Variants in TMEM51 observed in about 807,000 individuals in gnomAD.
The protein encoded by TMEM51 is chromosome 1 open reading frame 72.
Under a neutral mutation model 13.6 loss-of-function variants are expected in TMEM51, and 8 were observed. The observed-to-expected ratio is 0.59, with a 90% CI of 0.35 to 1.07. TMEM51 has a LOEUF of 1.07. TMEM51 is among the 50% of genes least tolerant of loss of function. The probability of loss-of-function intolerance (pLI) is 0.02; values close to 1 mark genes in which losing one functional copy is unlikely to be tolerated. For synonymous variants in TMEM51, 147 were observed against 144.4 expected, an observed-to-expected ratio of 1.02 and a Z score of -0.13; for missense variants, 279 against 330.7, an observed-to-expected ratio of 0.84 and a Z score of 1.21.
intron 1 of TMEM51, among the ~76,000 whole-genome samples, chr1:15,167,217 C>T (rs540216623): frequency 2.1e-3 from 318 of 150,874 alleles, no homozygotes; most frequent in African/African-American, 7.5e-3. Flanking sequence ...GTCCCAGCTA[C>T]TCGGGAAGCT....
Position 15,166,982 on chromosome 1 carries a change from A to T in TMEM51, c.-267+13028A>T, listed in dbSNP as rs115087375. 9.9e-3 allele frequency among the ~76,000 whole-genome samples: 1,506 copies of T among 152,222 alleles called. 28 individuals carry two copies. The highest frequency in any genetic ancestry group is 0.034 in the African/African-American group (1,421 of 41,518). On this transcript the variant is annotated intron_variant, in intron 1 of 3. Coordinates refer to ENST00000376008, the MANE Select transcript of TMEM51 (RefSeq NM_001136218.2). ...GCCCTTTCCAGGATATCACGTAAAT[A>T]GAATCATACAGTATGGTGCCTTTGG... is the stretch of plus-strand genomic sequence containing the variant.
chr1:15,170,377 G>A (rs1445869394), intron 1 of TMEM51, among the ~76,000 whole-genome samples: 1 of 143,060 alleles, frequency 7.0e-6, no homozygotes, highest in African/African-American at 2.6e-5. Flanking sequence ...TTTTTGAGAT[G>A]GAGTCACTGC....
chr1:15,194,829 A>C (rs1644013946), intron 1 of TMEM51, among the ~76,000 whole-genome samples: 1 of 150,848 alleles, frequency 6.6e-6, no homozygotes, highest in Admixed American at 6.6e-5. Context: ...TCAGCCAGCA[A>C]TTTTATTTTC....
intron 1 of TMEM51, among the ~76,000 whole-genome samples, chr1:15,160,333 G>T (rs1047366091): frequency 6.6e-6 from 1 of 152,122 alleles, no homozygotes; most frequent in Non-Finnish European, 1.5e-5. Flanking sequence ...GAGTGCAGTG[G>T]TGCAATCTTG....
chr1:15,199,790 A>G (rs1314305981), intron 1 of TMEM51, among the ~76,000 whole-genome samples: 1 of 152,076 alleles, frequency 6.6e-6, no homozygotes, highest in African/African-American at 2.4e-5. Context: ...CCTCAACCCT[A>G]TGAGACCAAT....
chr1:15,198,441 G>A (rs1456968985), intron 1 of TMEM51, among the ~76,000 whole-genome samples: 1 of 152,064 alleles, frequency 6.6e-6, no homozygotes, highest in Non-Finnish European at 1.5e-5. Context: ...TTTTGAAACA[G>A]AGTCTCACTG....
rs559571388 is a variant in TMEM51 at position 15,164,842 on chromosome 1, C to T, written c.-267+10888C>T. On this transcript the variant is annotated intron_variant, in intron 1 of 3. Transcript: ENST00000376008. ...TTTTTGAGACGGAGTCTCGCTCTGT[C>T]GCCAGGCCAGAGTGCAGTGGCACAA... Among the ~76,000 whole-genome samples, 26 of 136,116 alleles carry T rather than the reference C, an allele frequency of 1.9e-4. No individual in the cohort carries two copies. The East Asian group carries it at 2.8e-3, about 15-fold the overall frequency. 89.3% of individuals were successfully genotyped at this position (136,116 alleles called of 152,430 possible).
At chr1:15,174,321 C>T (rs940426346) in intron 1 of TMEM51, among the ~76,000 whole-genome samples, 5 of 152,216 alleles carry the variant, frequency 3.3e-5, no homozygotes, top group Non-Finnish European at 4.4e-5. Context: ...TGGCTCACTA[C>T]AGCCTCCACC....
At chr1:15,157,327 T>C (rs932912385) in intron 1 of TMEM51, among the ~76,000 whole-genome samples, 69 of 152,202 alleles carry the variant, frequency 4.5e-4, no homozygotes, top group Non-Finnish European at 1.5e-4. Context: ...TTTATCAGAC[T>C]TAGCAGCCCT....
intron 1 of TMEM51, among the ~76,000 whole-genome samples, chr1:15,177,577 G>A (rs4661590): frequency 1.3e-5 from 2 of 152,134 alleles, no homozygotes; most frequent in South Asian, 2.1e-4. Context: ...CAGACTGAAG[G>A]GGGGGGCCTG....
At chr1:15,199,191 G>A (rs113935928) in intron 1 of TMEM51, among the ~76,000 whole-genome samples, 8 of 151,076 alleles carry the variant, frequency 5.3e-5, no homozygotes, top group Non-Finnish European at 8.8e-5. Context: ...GGAGTGCAAC[G>A]GCGCAATCTC....
At chr1:15,152,672 G>T (rs1441817361), upstream of TMEM51, 1 of 152,260 alleles carries the variant, frequency 6.6e-6, no homozygotes, top group African/African-American at 2.4e-5. Context: ...TTCCCTCTGT[G>T]TTTAGCATCC....
At chr1:15,185,416 T>G (rs966426823) in intron 1 of TMEM51, among the ~76,000 whole-genome samples, 1 of 152,220 alleles carries the variant, frequency 6.6e-6, no homozygotes, top group African/African-American at 2.4e-5. Flanking sequence ...GAAGAAATGT[T>G]GGGATAATAT....
In TMEM51 at chr1:15,219,763, G is replaced by A. The variant is rs199958353; in HGVS notation, c.*20G>A. On this transcript the variant is annotated 3_prime_UTR_variant, in exon 4 of 4. Transcript: ENST00000376008. ...GACTGAATGGCCCCACTTGAGCCACGCTCCCTCCTGTCTCTCACACCTTTC... is the reference window on the plus strand; with the variant it reads ...GACTGAATGGCCCCACTTGAGCCACACTCCCTCCTGTCTCTCACACCTTTC... 9.4e-4 allele frequency: 1,511 copies of A among 1,607,550 alleles called. 7 individuals are homozygous for A. The highest frequency in any genetic ancestry group is 1.1e-3 in the Non-Finnish European group (1,245 of 1,176,994).
intron 1 of TMEM51, among the ~76,000 whole-genome samples, chr1:15,203,723 G>A (rs1026730089): frequency 2.0e-5 from 3 of 152,162 alleles, no homozygotes; most frequent in Non-Finnish European, 4.4e-5. Flanking sequence ...GTCCATAGTA[G>A]GTGCTCAGTT....
intron 1 of TMEM51, among the ~76,000 whole-genome samples, chr1:15,167,110 G>A (rs1211866446): frequency 1.3e-5 from 2 of 152,084 alleles, no homozygotes; most frequent in South Asian, 2.1e-4. Context: ...GGCAGATCAC[G>A]AGGTCAGGAG....
At chr1:15,165,782 A>T (rs914070867) in intron 1 of TMEM51, among the ~76,000 whole-genome samples, 8 of 152,206 alleles carry the variant, frequency 5.3e-5, no homozygotes, top group Non-Finnish European at 1.2e-4. Context: ...CTCAACCACT[A>T]AAAATTCCAG....
At chr1:15,164,203 C>G (rs778554643) in intron 1 of TMEM51, 4 of 386,734 alleles carry the variant, frequency 1.0e-5, no homozygotes, top group Non-Finnish European at 2.0e-5. Flanking sequence ...AACTAAACTA[C>G]AGACTTTATT....
At chr1:15,153,333 C>G (rs1263395917), upstream of TMEM51, among the ~76,000 whole-genome samples, 1 of 152,180 alleles carries the variant, frequency 6.6e-6, no homozygotes, top group East Asian at 1.9e-4. Flanking sequence ...CCCAGCTCCA[C>G]TTAAACCCCT....
Sources: allele counts gnomAD v4.1 joint callset (sites outside exome capture counted in the v4.1 genomes callset), GRCh38; gene constraint gnomAD v4.1.1; transcripts MANE v1.5; gene names NCBI Gene and HGNC (gene_info 2026-07-23, HGNC 2026-07-21).